The following RGS7 variants were observed in gnomAD, a reference collection of about 807,000 sequenced individuals.
RGS7 encodes the protein regulator of G-protein signaling 7.
A neutral mutation model predicts 81.1 loss-of-function variants in RGS7; 27 were observed. The observed-to-expected ratio is 0.33, with a 90% CI of 0.25 to 0.46. RGS7 has a LOEUF of 0.46. Among genes scored for constraint, RGS7 ranks in the 20% least tolerant of loss-of-function variants. The pLI, the probability that RGS7 is intolerant of heterozygous loss-of-function variation, is 1.00. For synonymous variants in RGS7, 208 were observed against 207.7 expected (o/e 1.00, Z -0.01); for missense variants, 396 against 607.4 (o/e 0.65, Z 3.66).
At chr1:240,915,017 G>C (rs1028352633) in intron 6 of RGS7, among the ~76,000 whole-genome samples, 6 of 152,188 alleles carry the variant, frequency 3.9e-5, no homozygotes, top group African/African-American at 1.4e-4. Context: ...GCAGTTTTAA[G>C]GGGGCTACCA....
chr1:241,160,110 CAAAAAA>C lies in RGS7; in HGVS notation c.79-61354_79-61349del, dbSNP rs369734662. On this transcript the variant is annotated intron_variant, in intron 2 of 18. Coordinates refer to ENST00000440928, the MANE Select transcript of RGS7 (RefSeq NM_001364886.1). ...TGGGTGACAGAGCGAGACTCCATCT[CAAAAAA>C]AAAAAAAAAAAAAAGAAAAAGAAAA... is the stretch of plus-strand genomic sequence containing the variant. 1.4e-4 allele frequency among the ~76,000 whole-genome samples: 8 copies of C among 56,166 alleles called. No individual in the cohort carries two copies. In the East Asian group the frequency reaches 3.3e-3, roughly 23 times the overall value. 36.8% of individuals were successfully genotyped at this position (56,166 alleles called of 152,430 possible). A position where few individuals can be genotyped will look rare whatever the true frequency, so the allele number is the denominator to read the frequency against.
intron 2 of RGS7, among the ~76,000 whole-genome samples, chr1:241,178,221 A>T (rs923584841): frequency 6.6e-6 from 1 of 152,076 alleles, no homozygotes; most frequent in Non-Finnish European, 1.5e-5. Flanking sequence ...GAGCCCAGGC[A>T]TTTGAGATTG....
chr1:240,933,790 A>C lies in RGS7; in HGVS notation c.333+2810T>G, dbSNP rs371851258. ...GAGCTAAAGAATTACATCAGATCTCATTTTCAGTTAGCTAAGAGAGGATGA... is the reference window on the plus strand; with the variant it reads ...GAGCTAAAGAATTACATCAGATCTCCTTTTCAGTTAGCTAAGAGAGGATGA... On this transcript the variant is annotated intron_variant, in intron 5 of 18. Transcript: ENST00000440928. 2.0e-5 allele frequency among the ~76,000 whole-genome samples: 3 copies of C among 152,096 alleles called. No individual in the cohort carries two copies. In the East Asian group the frequency reaches 5.8e-4, roughly 29 times the overall value.
At chr1:241,126,493 A>T (rs1316256665) in intron 2 of RGS7, among the ~76,000 whole-genome samples, 2 of 152,166 alleles carry the variant, frequency 1.3e-5, no homozygotes, top group Non-Finnish European at 2.9e-5. Context: ...GAGTTCATGC[A>T]ACGGGCTCTA....
At chr1:241,286,513 C>G (rs1225880965) in intron 2 of RGS7, among the ~76,000 whole-genome samples, 1 of 152,158 alleles carries the variant, frequency 6.6e-6, no homozygotes, top group Non-Finnish European at 1.5e-5. Context: ...AGGAAGTGAA[C>G]AGTGGTGTCA....
chr1:240,884,340 G>C (rs1403834261), intron 6 of RGS7, among the ~76,000 whole-genome samples: 4 of 152,142 alleles, frequency 2.6e-5, no homozygotes, highest in African/African-American at 4.8e-5. Context: ...GTGACCAGGG[G>C]CTTGCAGGAA....
chr1:241,310,082 G>A (rs183123360), intron 2 of RGS7, among the ~76,000 whole-genome samples: 6 of 152,226 alleles, frequency 3.9e-5, no homozygotes, highest in Admixed American at 2.6e-4. Context: ...ATCCTGTTTC[G>A]TAAGCAATAT....
chr1:241,083,414 G>C (rs2063262525), intron 3 of RGS7, among the ~76,000 whole-genome samples: 1 of 152,100 alleles, frequency 6.6e-6, no homozygotes, highest in African/African-American at 2.4e-5. Context: ...ACCATTAGGG[G>C]AATATAGACT....
intron 2 of RGS7, among the ~76,000 whole-genome samples, chr1:241,230,882 A>G (rs2075622090): frequency 6.6e-6 from 1 of 152,188 alleles, no homozygotes; most frequent in Non-Finnish European, 1.5e-5. Flanking sequence ...GGAGAGAGCA[A>G]ATTTGTCTAC....
Position 241,089,742 on chromosome 1 carries a change from TAA to T in RGS7, c.175+8922_175+8923del, listed in dbSNP as rs1223048923. 8.5e-5 allele frequency among the ~76,000 whole-genome samples: 13 copies of T among 152,132 alleles called. No individual in the cohort carries two copies. The East Asian group carries it at 2.5e-3, about 29-fold the overall frequency. On this transcript the variant is annotated intron_variant, in intron 3 of 18. Transcript: ENST00000440928. ...ATTAGTAAGAACCATAAACAGACCATAAGAGAGAACAGGAGCACTTTGGGAGG... is the reference window on the plus strand; with the variant it reads ...ATTAGTAAGAACCATAAACAGACCATGAGAGAACAGGAGCACTTTGGGAGG...
chr1:240,945,261 T>C (rs908053763), intron 4 of RGS7, among the ~76,000 whole-genome samples: 2 of 152,222 alleles, frequency 1.3e-5, no homozygotes, highest in Non-Finnish European at 1.5e-5. Context: ...ATACGAAATA[T>C]AAAAGCTGAT....
chr1:240,908,761 G>A (rs748435460), intron 6 of RGS7, among the ~76,000 whole-genome samples: 3 of 152,174 alleles, frequency 2.0e-5, no homozygotes, highest in Non-Finnish European at 2.9e-5. Flanking sequence ...AAAACTAGGA[G>A]GACCGCTTGG....
chr1:241,326,638 A>G lies in RGS7; in HGVS notation c.78+29061T>C, dbSNP rs183601099. Among the ~76,000 whole-genome samples, 27 of 151,946 alleles carry G rather than the reference A, an allele frequency of 1.8e-4. No homozygotes were observed. The East Asian group carries it at 5.1e-3, about 29-fold the overall frequency. ...ATTAGTAAATTTCAGAGAATCAAAAATAACAGTAGAAAAAGTAGGATTAAG... is the reference window on the plus strand; with the variant it reads ...ATTAGTAAATTTCAGAGAATCAAAAGTAACAGTAGAAAAAGTAGGATTAAG... On this transcript the variant is annotated intron_variant, in intron 2 of 18. Transcript: ENST00000440928.
intron 2 of RGS7, among the ~76,000 whole-genome samples, chr1:241,288,577 G>A (rs557853753): frequency 4.1e-4 from 62 of 152,200 alleles, no homozygotes; most frequent in African/African-American, 1.5e-3. Context: ...CCTTCTCTCT[G>A]ATCCCCAGAC....
At chr1:241,021,748 T>C (rs6663803) in intron 3 of RGS7, among the ~76,000 whole-genome samples, 29,780 of 152,112 alleles carry the variant, frequency 0.2, 3,810 homozygotes, top group African/African-American at 0.36. Flanking sequence ...TATGGTAATA[T>C]ACCACTTTCG....
At chr1:241,299,024 C>T (rs1249772155) in intron 2 of RGS7, among the ~76,000 whole-genome samples, 13 of 152,186 alleles carry the variant, frequency 8.5e-5, no homozygotes, top group Admixed American at 8.5e-4. Context: ...CAAGAGGCTG[C>T]AAAACTGCAT....
intron 2 of RGS7, among the ~76,000 whole-genome samples, chr1:241,344,074 T>A (rs1040912139): frequency 6.6e-6 from 1 of 152,174 alleles, no homozygotes; most frequent in Non-Finnish European, 1.5e-5. Context: ...TCCTAAATGA[T>A]ATACGGGATT....
At chr1:240,821,712 G>A (rs1691842145) in intron 10 of RGS7, among the ~76,000 whole-genome samples, 1 of 152,202 alleles carries the variant, frequency 6.6e-6, no homozygotes, top group African/African-American at 2.4e-5. Context: ...TACATTTGCT[G>A]TTGTTTTTCT....
chr1:240,811,732 A>C (rs539608890), intron 14 of RGS7, among the ~76,000 whole-genome samples, 186 bp downstream of exon 14: 4 of 152,320 alleles, frequency 2.6e-5, no homozygotes, highest in African/African-American at 9.6e-5. Context: ...AGTTATAAGA[A>C]ATTGATACGT....
Sources: allele counts gnomAD v4.1 joint callset (sites outside exome capture counted in the v4.1 genomes callset), GRCh38; gene constraint gnomAD v4.1.1; transcripts MANE v1.5; gene names NCBI Gene and HGNC (gene_info 2026-07-23, HGNC 2026-07-21).